MAP3K4: variants seen among roughly 807,000 people sequenced by gnomAD.
MAP3K4 encodes MAP three kinase 1.
Under a neutral mutation model 185.6 loss-of-function variants are expected in MAP3K4, and 67 were observed. The observed-to-expected ratio is 0.36, with a 90% CI of 0.30 to 0.44. The LOEUF (loss-of-function observed/expected upper bound fraction) is 0.44, where lower values mean the gene tolerates loss of function less well. Ranked by LOEUF, MAP3K4 falls within the 20% of genes least tolerant of loss-of-function variation. The pLI is 1.00. For missense variants in MAP3K4, 1,551 were observed against 1,995.1 expected (o/e 0.78, Z 4.24); for synonymous variants, 702 against 710.4 (o/e 0.99, Z 0.19).
rs761625462 is a variant in MAP3K4, at chr6:161,087,813, C to T, written c.2682C>T (p.Asp894=). The T allele has an allele frequency of 2.0e-5, 32 of 1,614,002 alleles. No individual in the cohort carries two copies. The highest frequency in any genetic ancestry group is 2.5e-5 in the Non-Finnish European group (30 of 1,180,034). ...AGGACTGTTCAAAAGATTCAGATGA[C>T]GTACTCATCGATGCCTATCTGCTTC... ...AGKDCSKDSD[D]VLIDAYLLLT... The change falls in exon 10 of 27, where the codon GAC becomes GAT. Residue 894 remains aspartate, a synonymous_variant. Coordinates refer to ENST00000392142, the MANE Select transcript of MAP3K4 (RefSeq NM_005922.4). The surrounding 1 kb of genome is among the most constrained non-coding windows in gnomAD (Gnocchi z 4.9).
chr6:161,045,711 C>T (rs77648000), intron 2 of MAP3K4, among the ~76,000 whole-genome samples: 9 of 152,124 alleles, frequency 5.9e-5, no homozygotes, highest in Non-Finnish European at 1.2e-4. Flanking sequence ...TTTTCACTCT[C>T]AACTATTACT....
intron 1 of MAP3K4, among the ~76,000 whole-genome samples, chr6:161,019,245 T>A (rs1457105026): frequency 6.6e-6 from 1 of 152,234 alleles, no homozygotes; most frequent in Non-Finnish European, 1.5e-5. Context: ...AGATCACTGC[T>A]TAAATCTCTT....
chr6:161,012,111 A>C (rs1397392326), intron 1 of MAP3K4, among the ~76,000 whole-genome samples: 1 of 152,184 alleles, frequency 6.6e-6, no homozygotes, highest in African/African-American at 2.4e-5. Flanking sequence ...TCCCTACACC[A>C]ATTTGCCACT....
rs1332172022 is a variant in MAP3K4 at position 161,107,048 on chromosome 6, GCGCACACACACA to G, written c.4048+345_4048+356del. Reference sequence around the variant, plus strand: ...TCTCTCTCTCTCTCTACACACGCGCGCGCACACACACACACACACACACACACACACGCAGAA... The same window carrying G: ...TCTCTCTCTCTCTCTACACACGCGCGCACACACACACACACACACGCAGAA... On this transcript the variant is annotated intron_variant, in intron 20 of 26. Transcript: ENST00000392142. The surrounding 1 kb of genome is among the most constrained non-coding windows in gnomAD (Gnocchi z 6.2). Among the ~76,000 whole-genome samples, 3 of 141,002 alleles carry G rather than the reference GCGCACACACACA, an allele frequency of 2.1e-5. No homozygotes were observed. Among genetic ancestry groups the G allele is most frequent in the Non-Finnish European group, 3.2e-5 (2 of 62,710 alleles). The allele number at this position is 141,002 out of a possible 152,430, so 92.5% of individuals were successfully genotyped here.
chr6:161,011,260 G>A (rs887758266), intron 1 of MAP3K4, among the ~76,000 whole-genome samples: 1 of 152,158 alleles, frequency 6.6e-6, no homozygotes, highest in Non-Finnish European at 1.5e-5. Flanking sequence ...TAATGCAGAG[G>A]TTCCTAAACA....
chr6:161,049,434 G>A lies in MAP3K4; in HGVS notation c.1162G>A (p.Asp388Asn). The change falls in exon 3 of 27, where the codon GAC becomes AAC. Residue 388 changes from aspartate to asparagine, a missense_variant. Around this residue, in one of 16 missense-constraint regions of MAP3K4, gnomAD observed 93 missense variants for 96.7 expected, o/e 0.96. Coordinates refer to ENST00000392142, the MANE Select transcript of MAP3K4 (RefSeq NM_005922.4). This position sits in a 1 kb window ranked among gnomAD's most constrained non-coding sequence, Gnocchi z 8.4. ...YEKYAAKDFQ[D>N]RVQALCLWLN... The stretch of plus-strand genomic sequence containing the variant: ...AAAATATGCTGCAAAAGACTTCCAG[G>A]ACAGGGTGCAGGCACTCTGTTTGTG... The A allele has an allele frequency of 6.2e-7, 1 of 1,613,560 alleles. No homozygotes were observed. Among genetic ancestry groups the A allele is most frequent in the South Asian group, 1.1e-5 (1 of 91,062 alleles).
At chr6:161,030,801 G>C (rs1782891909) in intron 1 of MAP3K4, among the ~76,000 whole-genome samples, 2 of 152,170 alleles carry the variant, frequency 1.3e-5, no homozygotes, top group African/African-American at 2.4e-5. Flanking sequence ...TTTAAATACT[G>C]TTGGATTTTG....
chr6:161,043,197 T>G lies in MAP3K4; in HGVS notation c.344-5419T>G, dbSNP rs1221463276. Among the ~76,000 whole-genome samples the G allele has an allele frequency of 1.3e-5, 2 of 152,220 alleles. No homozygotes were observed. Among genetic ancestry groups the G allele is most frequent in the African/African-American group, 4.8e-5 (2 of 41,448 alleles). On this transcript the variant is annotated intron_variant, in intron 2 of 26. Transcript: ENST00000392142. This position sits in a 1 kb window ranked among gnomAD's most constrained non-coding sequence, Gnocchi z 4.3. Reference sequence around the variant, plus strand: ...TCAGCTCTTTAGTCTAAACTTAGCCTGACTTTCAGGGTCCTGGTTTGTGTT... The same window carrying G: ...TCAGCTCTTTAGTCTAAACTTAGCCGGACTTTCAGGGTCCTGGTTTGTGTT...
Position 161,115,364 on chromosome 6 carries a change from A to G in MAP3K4, c.4806+62A>G. 2.0e-6 allele frequency: 3 copies of G among 1,489,606 alleles called. No homozygotes were observed. Among genetic ancestry groups the G allele is most frequent in the Non-Finnish European group, 2.7e-6 (3 of 1,105,038 alleles). 92.3% of individuals were successfully genotyped at this position (1,489,606 alleles called of 1,614,324 possible). On this transcript the variant is annotated intron_variant, in intron 26 of 26. Coordinates refer to ENST00000392142, the MANE Select transcript of MAP3K4 (RefSeq NM_005922.4). The surrounding 1 kb of genome is among the most constrained non-coding windows in gnomAD (Gnocchi z 6.0). Reference sequence around the variant, plus strand: ...AGTGTTTAAGTTCTGTTTTGCATCAAGACGTTAATGAAATTTTGAAACTTT... The same window carrying G: ...AGTGTTTAAGTTCTGTTTTGCATCAGGACGTTAATGAAATTTTGAAACTTT...
chr6:161,077,708 G>C lies in MAP3K4; in HGVS notation c.2098-3173G>C, dbSNP rs1460599427. On this transcript the variant is annotated intron_variant, in intron 5 of 26. Transcript: ENST00000392142. This position sits in a 1 kb window ranked among gnomAD's most constrained non-coding sequence, Gnocchi z 4.3. Reference sequence around the variant, plus strand: ...TAGGCAGTGAAATGGCAGGACTCGGGTGGATCAAATGTGAACAAGGTGTTG... The same window carrying C: ...TAGGCAGTGAAATGGCAGGACTCGGCTGGATCAAATGTGAACAAGGTGTTG... Among the ~76,000 whole-genome samples the C allele has an allele frequency of 6.6e-6, 1 of 152,208 alleles. No individual in the cohort carries two copies. The highest frequency in any genetic ancestry group is 1.5e-5 in the Non-Finnish European group (1 of 68,042).
intron 15 of MAP3K4, among the ~76,000 whole-genome samples, chr6:161,094,561 C>G (rs1269892294): frequency 1.3e-5 from 2 of 151,904 alleles, no homozygotes; most frequent in African/African-American, 4.8e-5. Flanking sequence ...TAATAAACAC[C>G]CAAGAAAGAA....
chr6:161,092,159 G>T lies in MAP3K4; in HGVS notation c.3269+16G>T, dbSNP rs1450696225. The T allele has an allele frequency of 6.5e-5, 105 of 1,613,144 alleles. No individual in the cohort carries two copies. Among genetic ancestry groups the T allele is most frequent in the Non-Finnish European group, 8.8e-5 (104 of 1,179,522 alleles). On this transcript the variant is annotated intron_variant, in intron 13 of 26. Coordinates refer to ENST00000392142, the MANE Select transcript of MAP3K4 (RefSeq NM_005922.4). ...CAAGACCCAGGTAATGACCAAGTAG[G>T]ATGTTTCTGAAATGTGTCATGTGGG... is the stretch of plus-strand genomic sequence containing the variant.
rs1411923624 is a variant in MAP3K4 at position 161,008,032 on chromosome 6, T to A, written c.152+15949T>A. 1.3e-5 allele frequency among the ~76,000 whole-genome samples: 2 copies of A among 152,202 alleles called. No individual in the cohort carries two copies. Among genetic ancestry groups the A allele is most frequent in the Non-Finnish European group, 2.9e-5 (2 of 68,020 alleles). ...GGTAAGGCATAGCTATTGTCTTCTA[T>A]AAAATTCTGGTAAACCCATAAAGAG... On this transcript the variant is annotated intron_variant, in intron 1 of 26. Coordinates refer to ENST00000392142, the MANE Select transcript of MAP3K4 (RefSeq NM_005922.4). The surrounding 1 kb of genome is among the most constrained non-coding windows in gnomAD (Gnocchi z 4.1).
intron 11 of MAP3K4, 87 bp downstream of exon 11, chr6:161,089,558 A>T (rs1462656907): frequency 6.9e-7 from 1 of 1,439,628 alleles, no homozygotes; most frequent in Non-Finnish European, 9.3e-7. Flanking sequence ...AATATCATCC[A>T]AGGAACTTGA....
At position 161,108,028 on chromosome 6, in the gene MAP3K4, C is replaced by A; in HGVS notation, c.4119+59C>A. ...TGGCGGCTCTGGGTGATAGAAATTC[C>A]GTATAGACGCTGGTCGTGATTCAGT... On this transcript the variant is annotated intron_variant, in intron 21 of 26. Coordinates refer to ENST00000392142, the MANE Select transcript of MAP3K4 (RefSeq NM_005922.4). The surrounding 1 kb of genome is among the most constrained non-coding windows in gnomAD (Gnocchi z 5.7). 1 of 1,465,082 alleles carries A rather than the reference C, an allele frequency of 6.8e-7. No homozygotes were observed. Among genetic ancestry groups the A allele is most frequent in the Non-Finnish European group, 9.5e-7 (1 of 1,053,936 alleles). The allele number at this position is 1,465,082 out of a possible 1,614,324, so 90.8% of individuals were successfully genotyped here.
In MAP3K4 at chr6:161,082,141, C is replaced by T. The variant is rs931797616; in HGVS notation, c.2255+1103C>T. 1.3e-5 allele frequency among the ~76,000 whole-genome samples: 2 copies of T among 152,018 alleles called. No individual in the cohort carries two copies. The highest frequency in any genetic ancestry group is 2.9e-5 in the Non-Finnish European group (2 of 68,028). ...GAGTGGACAGTGAACTTGCTCTCCT[C>T]TCATAACTCCATCCGTCAGGCTGTG... On this transcript the variant is annotated intron_variant, in intron 6 of 26. Coordinates refer to ENST00000392142, the MANE Select transcript of MAP3K4 (RefSeq NM_005922.4). The surrounding 1 kb of genome is among the most constrained non-coding windows in gnomAD (Gnocchi z 4.2).
intron 1 of MAP3K4, among the ~76,000 whole-genome samples, chr6:161,009,048 G>A (rs1021742625): frequency 1.3e-5 from 2 of 149,490 alleles, no homozygotes; most frequent in Non-Finnish European, 3.0e-5. Context: ...GCAGTGGCAC[G>A]ATCTCGGCTT....
chr6:161,053,641 G>C lies in MAP3K4; in HGVS notation c.1707+3662G>C, dbSNP rs1358050542. 1.3e-5 allele frequency among the ~76,000 whole-genome samples: 2 copies of C among 152,152 alleles called. No individual in the cohort carries two copies. The highest frequency in any genetic ancestry group is 1.5e-5 in the Non-Finnish European group (1 of 68,016). Reference sequence around the variant, plus strand: ...AAGTCTCATTCTGTTTCCTAGGCTGGAGTGTAATGGGAAGATCTCGGCTCA... The same window carrying C: ...AAGTCTCATTCTGTTTCCTAGGCTGCAGTGTAATGGGAAGATCTCGGCTCA... On this transcript the variant is annotated intron_variant, in intron 3 of 26. Transcript: ENST00000392142. The surrounding 1 kb of genome is among the most constrained non-coding windows in gnomAD (Gnocchi z 4.2).
rs1051862490 is a variant in MAP3K4, at chr6:161,077,682, G to A, written c.2098-3199G>A. 2.6e-5 allele frequency among the ~76,000 whole-genome samples: 4 copies of A among 152,176 alleles called. No homozygotes were observed. The highest frequency in any genetic ancestry group is 7.2e-5 in the African/African-American group (3 of 41,430). Reference sequence around the variant, plus strand: ...AGAAGTATAAGGATTCAAAGGAAACGTAGGCAGTGAAATGGCAGGACTCGG... The same window carrying A: ...AGAAGTATAAGGATTCAAAGGAAACATAGGCAGTGAAATGGCAGGACTCGG... On this transcript the variant is annotated intron_variant, in intron 5 of 26. Coordinates refer to ENST00000392142, the MANE Select transcript of MAP3K4 (RefSeq NM_005922.4). This position sits in a 1 kb window ranked among gnomAD's most constrained non-coding sequence, Gnocchi z 4.3.
Sources: allele counts gnomAD v4.1 joint callset (sites outside exome capture counted in the v4.1 genomes callset), GRCh38; gene constraint gnomAD v4.1.1; regional missense constraint gnomAD v4.1.1; non-coding constraint Gnocchi (gnomAD v3.1); transcripts MANE v1.5; gene names NCBI Gene and HGNC (gene_info 2026-07-23, HGNC 2026-07-21).